Variants in SPOCK1 observed in about 807,000 individuals in gnomAD.
The protein encoded by SPOCK1 is testican-1.
SPOCK1 carries 23 observed loss-of-function variants against 55.3 expected under a neutral mutation model. That is an observed-to-expected ratio of 0.42 (90% confidence interval 0.30 to 0.59). The LOEUF (loss-of-function observed/expected upper bound fraction) is 0.59, where lower values mean the gene tolerates loss of function less well. Ranked by LOEUF, SPOCK1 falls within the 20% of genes least tolerant of loss-of-function variation. The pLI, the probability that SPOCK1 is intolerant of heterozygous loss-of-function variation, is 0.22. For missense variants in SPOCK1, 499 were observed against 552.5 expected, an observed-to-expected ratio of 0.90 and a Z score of 0.97; for synonymous variants, 226 against 221.0, an observed-to-expected ratio of 1.02 and a Z score of -0.20.
intron 5 of SPOCK1, among the ~76,000 whole-genome samples, chr5:137,072,942 G>A (rs1345947007): frequency 6.6e-6 from 1 of 152,170 alleles, no homozygotes; most frequent in Non-Finnish European, 1.5e-5. Context: ...TAATAATTGG[G>A]CAGGAAGTGA....
At position 137,399,079 on chromosome 5, in the gene SPOCK1, A is replaced by C. The variant is rs193071084; in HGVS notation, c.186+99294T>G. ...AGTGCATGCCACCCAAAAGATAGGC[A>C]CTTCACATTTATATTATAATAAGCC... is the stretch of plus-strand genomic sequence containing the variant. On this transcript the variant is annotated intron_variant, in intron 2 of 10. Transcript: ENST00000394945. Among the ~76,000 whole-genome samples, 27 of 152,350 alleles carry C rather than the reference A, an allele frequency of 1.8e-4. No individual in the cohort carries two copies. In the East Asian group the frequency reaches 5.0e-3, roughly 28 times the overall value.
At chr5:137,169,722 C>T in intron 3 of SPOCK1, among the ~76,000 whole-genome samples, 1 of 152,150 alleles carries the variant, frequency 6.6e-6, no homozygotes, top group East Asian at 1.9e-4. Flanking sequence ...TCATTTAGTC[C>T]TCATCAGAAG....
intron 2 of SPOCK1, among the ~76,000 whole-genome samples, chr5:137,286,502 C>G (rs1757268717): frequency 6.6e-6 from 1 of 152,168 alleles, no homozygotes; most frequent in Admixed American, 6.5e-5. Flanking sequence ...CACCCTGGAG[C>G]AGGTCTGCAC....
At chr5:137,037,130 C>A (rs1215174054) in intron 6 of SPOCK1, among the ~76,000 whole-genome samples, 4 of 151,994 alleles carry the variant, frequency 2.6e-5, no homozygotes, top group Non-Finnish European at 4.4e-5. Context: ...ATCCAAGGCA[C>A]CCTTCTCCCC....
rs1228337549 is a variant in SPOCK1, at chr5:137,440,998, T to C, written c.186+57375A>G. Among the ~76,000 whole-genome samples, 4 of 152,212 alleles carry C rather than the reference T, an allele frequency of 2.6e-5. No individual in the cohort carries two copies. The East Asian group carries it at 7.7e-4, about 29-fold the overall frequency. On this transcript the variant is annotated intron_variant, in intron 2 of 10. Transcript: ENST00000394945. ...TTGGAGGGCAGTAATAGTTCTTTAA[T>C]AACCTGAAGAGTAAAGGAGTTTTCT...
intron 2 of SPOCK1, among the ~76,000 whole-genome samples, chr5:137,356,822 T>G (rs1561513810): frequency 3.9e-4 from 9 of 23,238 alleles, no homozygotes; most frequent in African/African-American, 6.2e-4. Context: ...TATATATATA[T>G]ATATATATAT....
chr5:137,185,523 C>G (rs114299176), intron 3 of SPOCK1, among the ~76,000 whole-genome samples: 3,694 of 152,270 alleles, frequency 0.024, 160 homozygotes, highest in African/African-American at 0.082. Context: ...TAGAAACGGA[C>G]GAATTAGCTA....
chr5:137,195,739 G>C (rs899877231), intron 3 of SPOCK1, among the ~76,000 whole-genome samples: 2 of 152,212 alleles, frequency 1.3e-5, no homozygotes, highest in African/African-American at 4.8e-5. Flanking sequence ...GCCCAGGCAG[G>C]CTCCTGCAGC....
chr5:137,046,295 T>A (rs1752103580), intron 6 of SPOCK1, among the ~76,000 whole-genome samples: 1 of 120,718 alleles, frequency 8.3e-6, no homozygotes, highest in African/African-American at 3.0e-5. Context: ...TGTTCTTCCA[T>A]TTGTTTGTGT....
chr5:137,084,236 C>T (rs968346517), intron 5 of SPOCK1, among the ~76,000 whole-genome samples: 2 of 151,942 alleles, frequency 1.3e-5, no homozygotes, highest in South Asian at 2.1e-4. Flanking sequence ...TCACTTATTG[C>T]CCACAAAGAT....
At chr5:137,191,394 GAGA>G (rs1456496586) in intron 3 of SPOCK1, among the ~76,000 whole-genome samples, 1 of 151,274 alleles carries the variant, frequency 6.6e-6, no homozygotes, top group Non-Finnish European at 1.5e-5. Flanking sequence ...CTGGTTTCCA[GAGA>G]AGGCCTGCTG....
intron 5 of SPOCK1, among the ~76,000 whole-genome samples, chr5:137,076,497 C>G (rs1474252222): frequency 6.6e-6 from 1 of 151,160 alleles, no homozygotes; most frequent in Non-Finnish European, 1.5e-5. Context: ...CTTCAGTGTA[C>G]TCAGAACACT....
chr5:137,056,036 G>C (rs750922488), intron 6 of SPOCK1, among the ~76,000 whole-genome samples: 3 of 152,166 alleles, frequency 2.0e-5, no homozygotes, highest in African/African-American at 4.8e-5. Flanking sequence ...AATGTGCCTG[G>C]AAAACAGTAA....
chr5:137,492,674 AATGAACTGTGTAAGTTTTTT>A (rs1754210070), intron 2 of SPOCK1, among the ~76,000 whole-genome samples: 1 of 152,224 alleles, frequency 6.6e-6, no homozygotes, highest in African/African-American at 2.4e-5. Flanking sequence ...CTTTAAGTTA[AATGAACTGTGTAAGTTTTTT>A]ATGGGGGGAG....
At chr5:137,168,023 GAC>G (rs1265359347) in intron 3 of SPOCK1, among the ~76,000 whole-genome samples, 1 of 151,926 alleles carries the variant, frequency 6.6e-6, no homozygotes, top group Non-Finnish European at 1.5e-5. Context: ...AAAGATCAAT[GAC>G]ACAAAATATT....
intron 2 of SPOCK1, among the ~76,000 whole-genome samples, chr5:137,371,485 CTG>C (rs1211819011): frequency 6.6e-6 from 1 of 152,204 alleles, no homozygotes; most frequent in African/African-American, 2.4e-5. Flanking sequence ...AAATAAGCCT[CTG>C]GGGATTCTAC....
intron 6 of SPOCK1, among the ~76,000 whole-genome samples, chr5:136,994,647 G>A (rs934498402): frequency 2.6e-5 from 4 of 151,196 alleles, no homozygotes; most frequent in Middle Eastern, 3.4e-3. Context: ...CACACAACTG[G>A]CTTTAGCCAC....
chr5:137,029,492 G>A (rs1001183776), intron 6 of SPOCK1, among the ~76,000 whole-genome samples: 2 of 152,178 alleles, frequency 1.3e-5, no homozygotes, highest in Non-Finnish European at 2.9e-5. Flanking sequence ...TTAAATAATA[G>A]GGAACTGAGA....
chr5:137,395,705 T>C (rs953503506), intron 2 of SPOCK1, among the ~76,000 whole-genome samples: 44 of 152,230 alleles, frequency 2.9e-4, no homozygotes, highest in African/African-American at 1.0e-3. Context: ...ATAATGTTCC[T>C]GCAATGCAGC....
Sources: gnomAD v4.1 joint callset for allele counts (sites outside exome capture counted in the v4.1 genomes callset) on GRCh38, gnomAD v4.1.1 for gene constraint, MANE v1.5 for transcripts, NCBI Gene and HGNC (gene_info 2026-07-23, HGNC 2026-07-21) for gene names.